Variants in ITGA11 observed in about 807,000 individuals in gnomAD.
ITGA11 encodes integrin alpha-11.
A neutral mutation model predicts 141.9 loss-of-function variants in ITGA11; 97 were observed. The ratio of observed to expected loss-of-function variants is 0.68; its 90% CI spans 0.58 to 0.81. ITGA11 has a LOEUF of 0.81. Among genes scored for constraint, ITGA11 ranks in the 30% least tolerant of loss-of-function variants. ITGA11 has a pLI of 0.00. For synonymous variants in ITGA11, 658 were observed against 624.6 expected, an observed-to-expected ratio of 1.05 and a Z score of -0.80; for missense variants, 1,387 against 1,559.2, an observed-to-expected ratio of 0.89 and a Z score of 1.86.
Position 68,316,807 on chromosome 15 carries a change from G to A in ITGA11, c.2715+458C>T, listed in dbSNP as rs184652710. Among the ~76,000 whole-genome samples, 32 of 152,290 alleles carry A rather than the reference G, an allele frequency of 2.1e-4. No individual in the cohort carries two copies. The East Asian group carries it at 5.4e-3, about 26-fold the overall frequency. ...GTCCAAACACTCCCTGCAATCTGGC[G>A]TCTCCCTCCCTTTCCCAGCTACTTT... On this transcript the variant is annotated intron_variant, in intron 21 of 29. Transcript: ENST00000315757.
intron 1 of ITGA11, among the ~76,000 whole-genome samples, chr15:68,429,558 C>T (rs528434392): frequency 4.6e-5 from 7 of 152,260 alleles, no homozygotes; most frequent in Admixed American, 2.0e-4. Flanking sequence ...GAGGTCTCAC[C>T]CTCAACTTGG....
intron 1 of ITGA11, among the ~76,000 whole-genome samples, chr15:68,412,788 G>A (rs1233253206): frequency 6.9e-6 from 1 of 144,124 alleles, no homozygotes; most frequent in Non-Finnish European, 1.5e-5. Flanking sequence ...CAATTCTCCT[G>A]CCTCAGTCTT....
chr15:68,389,135 C>T (rs1896057693), intron 2 of ITGA11, among the ~76,000 whole-genome samples: 1 of 152,206 alleles, frequency 6.6e-6, no homozygotes, highest in African/African-American at 2.4e-5. Flanking sequence ...GAATCCTATC[C>T]ACCTGGAAGC....
chr15:68,375,449 G>A (rs905270047), intron 2 of ITGA11, among the ~76,000 whole-genome samples: 3 of 152,198 alleles, frequency 2.0e-5, no homozygotes, highest in South Asian at 2.1e-4. Flanking sequence ...CTGGGGAAGC[G>A]CTGAGAGCAG....
rs751709059 is a variant in ITGA11 at position 68,331,082 on chromosome 15, G to T, written c.1800C>A (p.Gly600=). The change falls in exon 15 of 30, where the codon GGC becomes GGA. Residue 600 remains glycine, a synonymous_variant. Coordinates refer to ENST00000315757, the MANE Select transcript of ITGA11 (RefSeq NM_001004439.2). ...QRITASELAT[G]LQYFGCSIHG... is the part of the protein sequence containing the mutation. ...GGATGCTGCAGCCAAAATACTGGAG[G>T]CCGGTAGCCAGCTCTGAGGCTGTGA... The T allele has an allele frequency of 3.7e-6, 6 of 1,604,800 alleles. No homozygotes were observed. The highest frequency in any genetic ancestry group is 4.3e-6 in the Non-Finnish European group (5 of 1,175,772).
chr15:68,337,050 GGGCTTA>G (rs1483572955), intron 11 of ITGA11, among the ~76,000 whole-genome samples: 1 of 152,200 alleles, frequency 6.6e-6, no homozygotes, highest in Non-Finnish European at 1.5e-5. Context: ...ATGGGTGGGT[GGGCTTA>G]GCCTTGTGGT....
chr15:68,417,013 C>A (rs1299779279), intron 1 of ITGA11, among the ~76,000 whole-genome samples: 1 of 152,106 alleles, frequency 6.6e-6, no homozygotes, highest in Non-Finnish European at 1.5e-5. Context: ...GAAAAGTGAT[C>A]AAAATGGACC....
chr15:68,313,718 G>T, intron 23 of ITGA11, 61 bp downstream of exon 23: 1 of 1,335,134 alleles, frequency 7.5e-7, no homozygotes, highest in Non-Finnish European at 1.1e-6. Context: ...CCCCCCCTTA[G>T]GCCTCCCTCC....
chr15:68,370,298 G>A (rs1218276495), intron 2 of ITGA11, among the ~76,000 whole-genome samples: 1 of 152,208 alleles, frequency 6.6e-6, no homozygotes, highest in Non-Finnish European at 1.5e-5. Context: ...TCCTGGCCCG[G>A]CCAAGCCCCG....
Position 68,315,747 on chromosome 15 carries a change from T to C in ITGA11, c.2716-20A>G, listed in dbSNP as rs1259701634. 6.3e-7 allele frequency: 1 copy of C among 1,593,744 alleles called. No individual in the cohort carries two copies. The highest frequency in any genetic ancestry group is 1.1e-5 in the South Asian group (1 of 87,824). On this transcript the variant is annotated intron_variant, in intron 21 of 29. Transcript: ENST00000315757. ...AGCCACCTGCAAGGAAGCAGTCGCA[T>C]GTCTGGGCATTGCTGGGACCAGCCC...
At chr15:68,408,245 C>A (rs1230097728) in intron 1 of ITGA11, among the ~76,000 whole-genome samples, 2 of 151,176 alleles carry the variant, frequency 1.3e-5, no homozygotes, top group African/African-American at 4.9e-5. Flanking sequence ...CTCCCCTGGC[C>A]TCCCCTGGGA....
At chr15:68,419,135 T>C (rs1313335605) in intron 1 of ITGA11, among the ~76,000 whole-genome samples, 2 of 152,128 alleles carry the variant, frequency 1.3e-5, no homozygotes, top group African/African-American at 4.8e-5. Flanking sequence ...TTAACAGAGA[T>C]CCACCAGATG....
chr15:68,424,981 T>A (rs1897107814), intron 1 of ITGA11, among the ~76,000 whole-genome samples: 1 of 152,260 alleles, frequency 6.6e-6, no homozygotes. Context: ...GTGTTTGGAA[T>A]GAGCCCTGCA....
At chr15:68,344,423 T>C (rs570983731) in intron 10 of ITGA11, among the ~76,000 whole-genome samples, 1 of 152,234 alleles carries the variant, frequency 6.6e-6, no homozygotes, top group Admixed American at 6.5e-5. Context: ...AGATTACACC[T>C]CTAAAGCTTC....
chr15:68,418,134 G>A (rs1175049423), intron 1 of ITGA11, among the ~76,000 whole-genome samples: 1 of 152,194 alleles, frequency 6.6e-6, no homozygotes, highest in Non-Finnish European at 1.5e-5. Flanking sequence ...CTACAAATAA[G>A]AATGATAGGA....
At position 68,343,981 on chromosome 15, in the gene ITGA11, G is replaced by A. The variant is rs1180081611; in HGVS notation, c.1132-4337C>T. On this transcript the variant is annotated intron_variant, in intron 10 of 29. Coordinates refer to ENST00000315757, the MANE Select transcript of ITGA11 (RefSeq NM_001004439.2). ...AGCTGGGGTGAGCAGAAGGGGCCGC[G>A]GGGACCTGGGCGTGCTACACTGACT... is the stretch of plus-strand genomic sequence containing the variant. Among the ~76,000 whole-genome samples, 5 of 152,276 alleles carry A rather than the reference G, an allele frequency of 3.3e-5. No individual in the cohort carries two copies. In the East Asian group the frequency reaches 7.7e-4, roughly 24 times the overall value.
intron 10 of ITGA11, among the ~76,000 whole-genome samples, chr15:68,348,047 A>G (rs1215765193): frequency 6.6e-6 from 1 of 152,130 alleles, no homozygotes; most frequent in Non-Finnish European, 1.5e-5. Context: ...CCACATGACA[A>G]TCCTGGGCAG....
chr15:68,380,840 T>C (rs756317820), intron 2 of ITGA11, among the ~76,000 whole-genome samples: 18 of 152,174 alleles, frequency 1.2e-4, no homozygotes, highest in Non-Finnish European at 2.2e-4. Flanking sequence ...TGTTCCTCCC[T>C]TCTGACTTTC....
chr15:68,351,154 G>A (rs529225594), intron 8 of ITGA11, 104 bp downstream of exon 8: 10 of 1,272,006 alleles, frequency 7.9e-6, no homozygotes, highest in Non-Finnish European at 1.1e-5. Context: ...TGAGGGCCTG[G>A]ACACTTGTGA....
Sources: allele counts gnomAD v4.1 joint callset (sites outside exome capture counted in the v4.1 genomes callset), GRCh38; gene constraint gnomAD v4.1.1; transcripts MANE v1.5; gene names NCBI Gene and HGNC (gene_info 2026-07-23, HGNC 2026-07-21).